Variants in CALN1 observed in about 807,000 individuals in gnomAD.
CALN1 encodes calcium-binding protein 8.
In CALN1, 17 loss-of-function variants were observed where a neutral mutation model predicts 30.6. The ratio of observed to expected loss-of-function variants is 0.56; its 90% CI spans 0.38 to 0.83. CALN1 has a LOEUF of 0.83. CALN1 is among the 40% of genes least tolerant of loss of function. The pLI is 0.00. For synonymous variants in CALN1, 156 were observed against 131.4 expected (o/e 1.19, Z -1.28); for missense variants, 291 against 354.9 (o/e 0.82, Z 1.45).
intron 2 of CALN1, among the ~76,000 whole-genome samples, chr7:72,333,118 T>C (rs1801782554): frequency 6.6e-6 from 1 of 152,152 alleles, no homozygotes; most frequent in African/African-American, 2.4e-5. Context: ...TCTCAGACTT[T>C]CCCACCCTTT....
chr7:72,044,558 A>G (rs184409668), intron 4 of CALN1, among the ~76,000 whole-genome samples: 45 of 148,906 alleles, frequency 3.0e-4, no homozygotes, highest in Admixed American at 4.7e-4. Context: ...CGACGGTTGC[A>G]GGGTATTTTT....
chr7:71,816,508 T>A (rs1486777468), intron 5 of CALN1, among the ~76,000 whole-genome samples: 1 of 152,160 alleles, frequency 6.6e-6, no homozygotes, highest in Non-Finnish European at 1.5e-5. Context: ...TCAACAAGAC[T>A]CAGAAAATGA....
the CALN1 span, among the ~76,000 whole-genome samples, chr7:72,503,955 C>T: frequency 2.6e-5 from 4 of 152,052 alleles, no homozygotes; most frequent in African/African-American, 7.2e-5. Flanking sequence ...TATGACTGCC[C>T]CTATTTTCAA....
intron 5 of CALN1, among the ~76,000 whole-genome samples, chr7:71,861,799 A>AAAAG (rs1554358716): frequency 9.9e-4 from 147 of 148,068 alleles, no homozygotes; most frequent in African/African-American, 3.6e-3. Flanking sequence ...AAAAAAAAAA[A>AAAAG]AGAGAGAGAG....
chr7:72,218,833 G>A lies in CALN1; in HGVS notation c.244+59853C>T, dbSNP rs74557759. Among the ~76,000 whole-genome samples the A allele has an allele frequency of 6.0e-3, 909 of 152,302 alleles. 9 individuals carry two copies. Among genetic ancestry groups the A allele is most frequent in the Non-Finnish European group, 0.01 (708 of 68,030 alleles). On this transcript the variant is annotated intron_variant, in intron 3 of 6. Coordinates refer to ENST00000395275, the MANE Select transcript of CALN1 (RefSeq NM_031468.4). ...GTCCAAAGCACGGTTTTCCTCTGAA[G>A]GAGAAGTGCCTCATTATCCATTCTG...
intron 4 of CALN1, among the ~76,000 whole-genome samples, chr7:72,031,892 C>G (rs528163599): frequency 6.6e-6 from 1 of 151,954 alleles, no homozygotes; most frequent in African/African-American, 2.4e-5. Context: ...CAGGCACCCA[C>G]CACCATGCCC....
At chr7:72,332,771 G>T (rs1801761010) in intron 2 of CALN1, among the ~76,000 whole-genome samples, 1 of 152,166 alleles carries the variant, frequency 6.6e-6, no homozygotes, top group South Asian at 2.1e-4. Context: ...TGCAACCCAA[G>T]GATCCTAACT....
Position 71,888,432 on chromosome 7 carries a change from C to CGAGAGAGA in CALN1, c.502-77948_502-77941dup, listed in dbSNP as rs113040770. On this transcript the variant is annotated intron_variant, in intron 5 of 6. Transcript: ENST00000395275. ...GATTGTATCTCCATGAAGCCATTAT[C>CGAGAGAGA]GAGAGAGAGAGAGAAAGACATTTTT... is the stretch of plus-strand genomic sequence containing the variant. Among the ~76,000 whole-genome samples, 22 of 128,404 alleles carry CGAGAGAGA rather than the reference C, an allele frequency of 1.7e-4. 1 individual carries two copies. The South Asian group carries it at 4.2e-3, about 25-fold the overall frequency. The allele number at this position is 128,404 out of a possible 152,430, so 84.2% of individuals were successfully genotyped here.
intron 5 of CALN1, among the ~76,000 whole-genome samples, chr7:71,925,646 G>C (rs184510985): frequency 6.6e-6 from 1 of 152,118 alleles, no homozygotes; most frequent in Non-Finnish European, 1.5e-5. Context: ...GATTGGGTTT[G>C]CATCAGTTAT....
At chr7:72,325,198 T>C (rs1801185648) in intron 2 of CALN1, among the ~76,000 whole-genome samples, 1 of 151,964 alleles carries the variant, frequency 6.6e-6, no homozygotes, top group Admixed American at 6.6e-5. Flanking sequence ...CTCAGGAAGC[T>C]GAGGTGGGAA....
chr7:71,839,899 G>C (rs763632520), intron 5 of CALN1, among the ~76,000 whole-genome samples: 1 of 152,120 alleles, frequency 6.6e-6, no homozygotes, highest in Non-Finnish European at 1.5e-5. Context: ...TTCAAAGGGT[G>C]GGAAGGTGGA....
At chr7:72,231,990 C>A (rs1254365659) in intron 3 of CALN1, among the ~76,000 whole-genome samples, 1 of 152,146 alleles carries the variant, frequency 6.6e-6, no homozygotes, top group Non-Finnish European at 1.5e-5. Flanking sequence ...TGAGAAGGAG[C>A]CTGACAGGTG....
At chr7:71,823,296 T>G (rs1422610214) in intron 5 of CALN1, among the ~76,000 whole-genome samples, 1 of 152,080 alleles carries the variant, frequency 6.6e-6, no homozygotes, top group Non-Finnish European at 1.5e-5. Flanking sequence ...GATCCTCCTG[T>G]GTAGCTGGGA....
At chr7:72,399,922 T>C (rs1317560358) in intron 2 of CALN1, among the ~76,000 whole-genome samples, 1 of 152,100 alleles carries the variant, frequency 6.6e-6, no homozygotes, top group East Asian at 1.9e-4. Flanking sequence ...AGCTAGTTGT[T>C]AAAAAGAGCC....
intron 5 of CALN1, among the ~76,000 whole-genome samples, chr7:71,944,451 G>A (rs371671863): frequency 2.6e-5 from 4 of 151,478 alleles, no homozygotes; most frequent in African/African-American, 7.3e-5. Context: ...AAAATTAGCC[G>A]GGCATGGTGG....
At chr7:71,899,038 G>T (rs1793702317) in intron 5 of CALN1, among the ~76,000 whole-genome samples, 1 of 151,922 alleles carries the variant, frequency 6.6e-6, no homozygotes, top group East Asian at 1.9e-4. Context: ...AAAACCCAAT[G>T]ACTTCTGTAA....
intron 3 of CALN1, among the ~76,000 whole-genome samples, chr7:72,176,011 G>C (rs2129545730): frequency 6.6e-6 from 1 of 152,050 alleles, no homozygotes; most frequent in Middle Eastern, 3.4e-3. Context: ...AAAATGTATG[G>C]GAACAGACAC....
intron 3 of CALN1, among the ~76,000 whole-genome samples, chr7:72,170,337 C>G (rs1788850679): frequency 6.6e-6 from 1 of 152,080 alleles, no homozygotes; most frequent in Admixed American, 6.6e-5. Context: ...TATTTATGGC[C>G]TTAATAACTC....
chr7:72,397,572 G>A (rs1273589900), intron 2 of CALN1, among the ~76,000 whole-genome samples: 1 of 152,144 alleles, frequency 6.6e-6, no homozygotes, highest in African/African-American at 2.4e-5. Flanking sequence ...GAGGAAGAGG[G>A]AGTCAGGAAA....
Sources: allele counts gnomAD v4.1 joint callset (sites outside exome capture counted in the v4.1 genomes callset), GRCh38; gene constraint gnomAD v4.1.1; transcripts MANE v1.5; gene names NCBI Gene and HGNC (gene_info 2026-07-23, HGNC 2026-07-21).